YJU2B: variants seen among roughly 807,000 people sequenced by gnomAD.
The protein encoded by YJU2B is probable splicing factor YJU2B.
Under a neutral mutation model 38.0 loss-of-function variants are expected in YJU2B, and 18 were observed. The observed-to-expected ratio is 0.47, with a 90% confidence interval of 0.33 to 0.70. The LOEUF (loss-of-function observed/expected upper bound fraction) is 0.70, where lower values mean the gene tolerates loss of function less well. Ranked by LOEUF, YJU2B falls within the 30% of genes least tolerant of loss-of-function variation. The pLI is 0.02. For missense variants in YJU2B, 538 were observed against 556.3 expected (o/e 0.97, Z 0.33); for synonymous variants, 246 against 225.4 (o/e 1.09, Z -0.82).
Position 13,762,586 on chromosome 19 carries a change from C to G in YJU2B, c.713-4C>G, listed in dbSNP as rs552690617. The G allele has an allele frequency of 2.0e-6, 3 of 1,531,494 alleles. No individual in the cohort carries two copies. The highest frequency in any genetic ancestry group is 2.5e-5 in the South Asian group (2 of 79,584). 94.9% of individuals were successfully genotyped at this position (1,531,494 alleles called of 1,614,324 possible). ...CCCCTGAAATGTCCTCTCCTCTCCTCTAGCCTACGAGGACAAGCAGAAACT... is the reference window on the plus strand; with the variant it reads ...CCCCTGAAATGTCCTCTCCTCTCCTGTAGCCTACGAGGACAAGCAGAAACT... On this transcript the variant is annotated splice_polypyrimidine_tract_variant and splice_region_variant and intron_variant, in intron 9 of 9. Transcript: ENST00000221554.
Position 13,762,992 on chromosome 19 carries a change from ACACCCC to A in YJU2B, c.1117_1122del (p.Thr373_Pro374del), listed in dbSNP as rs776953527. Reference sequence around the variant, plus strand: ...GCAGGCTCCTCCCAGGAGGCAGCTGACACCCCCGACACGCGGCACCCCTGCAGTCTC... The same window carrying A: ...GCAGGCTCCTCCCAGGAGGCAGCTGACGACACGCGGCACCCCTGCAGTCTC... On this transcript the variant is annotated inframe_deletion, in exon 10 of 10. Transcript: ENST00000221554. 6.2e-7 allele frequency: 1 copy of A among 1,607,154 alleles called. No individual in the cohort carries two copies. The highest frequency in any genetic ancestry group is 1.1e-5 in the South Asian group (1 of 90,576).
chr19:13,750,857 CAAAAAAAAAAA>C (rs908775840), intron 1 of YJU2B, among the ~76,000 whole-genome samples: 1 of 62,030 alleles, frequency 1.6e-5, no homozygotes. Flanking sequence ...GACTCCGTCT[CAAAAAAAAAAA>C]AAAAAAAAAA....
chr19:13,748,506 A>C (rs544361058), intron 1 of YJU2B, among the ~76,000 whole-genome samples: 1 of 152,240 alleles, frequency 6.6e-6, no homozygotes, highest in Non-Finnish European at 1.5e-5. Context: ...AGGACCGGAG[A>C]TATCTACACG....
At chr19:13,753,009 A>T (rs557008936) in intron 2 of YJU2B, among the ~76,000 whole-genome samples, 1 of 152,296 alleles carries the variant, frequency 6.6e-6, no homozygotes, top group African/African-American at 2.4e-5. Flanking sequence ...GTATCTGCCC[A>T]GTGGCAATGT....
At position 13,754,278 on chromosome 19, in the gene YJU2B, C is replaced by A; in HGVS notation, c.4-11C>A. The A allele has an allele frequency of 6.2e-7, 1 of 1,610,864 alleles. No homozygotes were observed. Among genetic ancestry groups the A allele is most frequent in the Non-Finnish European group, 8.5e-7 (1 of 1,177,068 alleles). ...CCTCTCTCTGAGTCATGTCTCTGTT[C>A]TGCTTTGCAGGGTGAAAGGAAAGGG... On this transcript the variant is annotated splice_polypyrimidine_tract_variant and intron_variant, in intron 2 of 9. Transcript: ENST00000221554.
At position 13,751,627 on chromosome 19, in the gene YJU2B, C is replaced by T; in HGVS notation, c.-182C>T. On this transcript the variant is annotated 5_prime_UTR_variant, in exon 2 of 10. Transcript: ENST00000221554. ...AAACAGACACGCCGCTTTTTGGATG[C>T]CTCCTATGCCTGGCGGGAGTCTTGT... The T allele has an allele frequency of 3.3e-6, 2 of 611,436 alleles. No individual in the cohort carries two copies. The allele number at this position is 611,436 out of a possible 1,614,324, so 37.9% of individuals were successfully genotyped here. A position where few individuals can be genotyped will look rare whatever the true frequency, so the allele number is the denominator to read the frequency against.
intron 4 of YJU2B, 56 bp downstream of exon 4, chr19:13,756,335 A>G: frequency 6.9e-7 from 1 of 1,453,264 alleles, no homozygotes; most frequent in Non-Finnish European, 9.7e-7. Context: ...CTTCAGTCTC[A>G]AGGAGAGTTC....
chr19:13,751,471 C>T (rs985635260), intron 1 of YJU2B, 137 bp from the exon 2 acceptor site: 9 of 303,476 alleles, frequency 3.0e-5, no homozygotes, highest in South Asian at 1.4e-4. Flanking sequence ...AGGGCAGAGT[C>T]GGGAGAGAGA....
At position 13,759,258 on chromosome 19, in the gene YJU2B, C is replaced by T. The variant is rs769878374; in HGVS notation, c.559C>T (p.Arg187Trp). 2.6e-5 allele frequency: 41 copies of T among 1,607,510 alleles called. 1 individual carries two copies. The highest frequency in any genetic ancestry group is 5.1e-5 in the Admixed American group (3 of 58,954). The part of the protein sequence containing the change: ...KDDFALNSML[R>W]RRFREKKKAI... ...CGACTTCGCCCTCAACAGCATGCTG[C>T]GGAGAAGGTTCCGGGTGAGGGGGGC... Residue 187 changes from arginine (R) to tryptophan (W), a missense_variant, in exon 8 of 10, where the codon CGG (arginine) becomes TGG (tryptophan). By Grantham distance (101) the Arg-to-Trp change is moderately radical (BLOSUM62 -3). Around this residue, in one of 2 missense-constraint regions of YJU2B, gnomAD observed 488 missense variants for 469.5 expected, o/e 1.04. Transcript: ENST00000221554.
At chr19:13,749,777 C>T (rs1487583060) in intron 1 of YJU2B, among the ~76,000 whole-genome samples, 1 of 151,936 alleles carries the variant, frequency 6.6e-6, no homozygotes, top group African/African-American at 2.4e-5. Flanking sequence ...GGACTACAGG[C>T]ACCCGCCACC....
chr19:13,752,034 A>G (rs1973487665), intron 2 of YJU2B, among the ~76,000 whole-genome samples: 3 of 152,048 alleles, frequency 2.0e-5, no homozygotes, highest in African/African-American at 4.8e-5. Context: ...AGACAGTCTC[A>G]CTTTGTTGCC....
intron 2 of YJU2B, among the ~76,000 whole-genome samples, chr19:13,733,623 A>G (rs1034685138): frequency 6.6e-6 from 1 of 152,156 alleles, no homozygotes; most frequent in Non-Finnish European, 1.5e-5. Context: ...CGGGAGGCTG[A>G]AGCAGGAGAA....
At position 13,762,401 on chromosome 19, in the gene YJU2B, A is replaced by C. The variant is rs1973925846; in HGVS notation, c.676A>C (p.Lys226Gln). 6.2e-7 allele frequency: 1 copy of C among 1,613,478 alleles called. No homozygotes were observed. Among genetic ancestry groups the C allele is most frequent in the Admixed American group, 1.7e-5 (1 of 59,960 alleles). ...PLVPETEDDR[K>Q]LAALLKFHTL... is the part of the protein sequence containing the mutation. ...GGTGCCCGAGACGGAAGATGACCGC[A>C]AGCTGGCGGCTCTGCTGAAGTTCCA... The change falls in exon 9 of 10, where the codon AAG becomes CAG. Residue 226 changes from lysine to glutamine, a missense_variant. Lys to Gln is a moderately conservative substitution (Grantham distance 53, BLOSUM62 1). Around this residue, in one of 2 missense-constraint regions of YJU2B, gnomAD observed 488 missense variants for 469.5 expected, o/e 1.04. Transcript: ENST00000221554.
At chr19:13,741,792 C>G (rs1973102512) in intron 2 of YJU2B, among the ~76,000 whole-genome samples, 1 of 152,052 alleles carries the variant, frequency 6.6e-6, no homozygotes, top group Non-Finnish European at 1.5e-5. Flanking sequence ...TAAGCTGCCT[C>G]AGAACCAAGG....
rs573663025 is a variant in YJU2B, at chr19:13,754,358, G to C, written c.57+16G>C. The stretch of plus-strand genomic sequence containing the variant: ...CCCTGAGAAGGTAAGCAGGCTCTCC[G>C]CTCCAGGTCCACAGTAGCAAAAAGA... On this transcript the variant is annotated intron_variant, in intron 3 of 9. Transcript: ENST00000221554. The C allele has an allele frequency of 6.2e-7, 1 of 1,607,062 alleles. No individual in the cohort carries two copies. The highest frequency in any genetic ancestry group is 1.3e-5 in the African/African-American group (1 of 74,640).
chr19:13,737,837 A>G (rs978064742), intron 2 of YJU2B, among the ~76,000 whole-genome samples: 2 of 151,996 alleles, frequency 1.3e-5, no homozygotes, highest in African/African-American at 2.4e-5. Context: ...TTAGTCTCCT[A>G]TTGGACAGTT....
chr19:13,755,472 A>T (rs988353840), intron 3 of YJU2B, among the ~76,000 whole-genome samples: 4 of 151,728 alleles, frequency 2.6e-5, no homozygotes, highest in Non-Finnish European at 5.9e-5. Flanking sequence ...AAAAAAAAAA[A>T]AAAAAATAAG....
At chr19:13,739,863 C>T (rs956279936) in intron 2 of YJU2B, among the ~76,000 whole-genome samples, 1 of 152,108 alleles carries the variant, frequency 6.6e-6, no homozygotes, top group African/African-American at 2.4e-5. Flanking sequence ...GCCCCACATG[C>T]ATTACGTATT....
chr19:13,754,873 T>C (rs932138907), intron 3 of YJU2B, among the ~76,000 whole-genome samples: 3 of 152,100 alleles, frequency 2.0e-5, no homozygotes, highest in South Asian at 2.1e-4. Flanking sequence ...GCAGAGATGT[T>C]CATCTATCTT....
Sources: gnomAD v4.1 joint callset for allele counts (sites outside exome capture counted in the v4.1 genomes callset) on GRCh38, gnomAD v4.1.1 for gene constraint, gnomAD v4.1.1 regional missense constraint, MANE v1.5 for transcripts, NCBI Gene and HGNC (gene_info 2026-07-23, HGNC 2026-07-21) for gene names.